GPC5: variants seen among roughly 807,000 people sequenced by gnomAD.
The protein encoded by GPC5 is glypican-5.
GPC5 carries 47 observed loss-of-function variants against 53.9 expected under a neutral mutation model. The ratio of observed to expected loss-of-function variants is 0.87; its 90% confidence interval spans 0.69 to 1.11. GPC5 has a LOEUF of 1.11. GPC5 is among the 50% of genes most tolerant of loss of function. The pLI is 0.00. For synonymous variants in GPC5, 286 were observed against 263.3 expected, an observed-to-expected ratio of 1.09 and a Z score of -0.84; for missense variants, 748 against 713.1, an observed-to-expected ratio of 1.05 and a Z score of -0.56.
At chr13:91,599,278 G>T (rs567660202) in intron 2 of GPC5, among the ~76,000 whole-genome samples, 1 of 152,012 alleles carries the variant, frequency 6.6e-6, no homozygotes, top group East Asian at 1.9e-4. Context: ...CCCTCATCTT[G>T]TTGCATCTTA....
chr13:91,474,607 A>T lies in GPC5; in HGVS notation c.325+25685A>T, dbSNP rs116142134. Among the ~76,000 whole-genome samples, 1,383 of 152,194 alleles carry T rather than the reference A, an allele frequency of 9.1e-3. 25 individuals carry two copies. Among genetic ancestry groups the T allele is most frequent in the African/African-American group, 0.032 (1,326 of 41,542 alleles). ...TTTCTAGTTTCTGACTTACAGACAA[A>T]ATTTGTATATACCTAATTAAATTGC... On this transcript the variant is annotated intron_variant, in intron 2 of 7. Transcript: ENST00000377067.
intron 7 of GPC5, among the ~76,000 whole-genome samples, chr13:92,212,979 T>C (rs896675664): frequency 6.6e-6 from 1 of 152,164 alleles, no homozygotes; most frequent in Non-Finnish European, 1.5e-5. Flanking sequence ...ACAAGGATGG[T>C]AGTGAAAGAG....
At chr13:92,426,482 T>A (rs1039571988) in intron 7 of GPC5, among the ~76,000 whole-genome samples, 3 of 152,124 alleles carry the variant, frequency 2.0e-5, no homozygotes, top group Admixed American at 6.6e-5. Context: ...TTCAGTCTCT[T>A]TATAAGTTCC....
In GPC5 at chr13:92,083,973, G is replaced by A. The variant is rs369445442; in HGVS notation, c.1402-60857G>A. 1.8e-4 allele frequency among the ~76,000 whole-genome samples: 28 copies of A among 152,278 alleles called. No individual in the cohort carries two copies. In the South Asian group the frequency reaches 5.6e-3, roughly 30 times the overall value. ...AGGAATGAGATCATGTCCTTTGCAG[G>A]GACATGGATGGAGCTGGAAGCCATT... is the stretch of plus-strand genomic sequence containing the variant. On this transcript the variant is annotated intron_variant, in intron 6 of 7. Coordinates refer to ENST00000377067, the MANE Select transcript of GPC5 (RefSeq NM_004466.6).
intron 7 of GPC5, among the ~76,000 whole-genome samples, chr13:92,703,394 A>ATAAG (rs1054202998): frequency 1.3e-5 from 2 of 151,740 alleles, no homozygotes; most frequent in Admixed American, 1.3e-4. Flanking sequence ...AAATAATTAT[A>ATAAG]TAAGTACTTT....
rs564171850 is a variant in GPC5 at position 92,130,937 on chromosome 13, G to T, written c.1402-13893G>T. Among the ~76,000 whole-genome samples the T allele has an allele frequency of 3.3e-5, 5 of 151,664 alleles. No homozygotes were observed. The East Asian group carries it at 9.7e-4, about 29-fold the overall frequency. On this transcript the variant is annotated intron_variant, in intron 6 of 7. Coordinates refer to ENST00000377067, the MANE Select transcript of GPC5 (RefSeq NM_004466.6). ...TAAAAATGGCAAAAAATAAGAAAAA[G>T]ATAGTAAAAAAACAGAAACAGAAGA...
At chr13:92,806,390 G>C (rs1877101075) in intron 7 of GPC5, among the ~76,000 whole-genome samples, 1 of 152,040 alleles carries the variant, frequency 6.6e-6, no homozygotes, top group Non-Finnish European at 1.5e-5. Flanking sequence ...CAATAAGACA[G>C]TTTCACTTTC....
At chr13:92,430,336 T>A (rs1459486413) in intron 7 of GPC5, among the ~76,000 whole-genome samples, 1 of 152,190 alleles carries the variant, frequency 6.6e-6, no homozygotes, top group Non-Finnish European at 1.5e-5. Flanking sequence ...TATTTATTTG[T>A]ATGTAACTAT....
At chr13:92,665,275 G>A (rs1566352156) in intron 7 of GPC5, among the ~76,000 whole-genome samples, 1 of 152,036 alleles carries the variant, frequency 6.6e-6, no homozygotes, top group Non-Finnish European at 1.5e-5. Flanking sequence ...TGTGGAAGGA[G>A]GAGATAAGAA....
intron 5 of GPC5, among the ~76,000 whole-genome samples, chr13:91,881,876 G>A (rs2039267409): frequency 6.6e-6 from 1 of 152,124 alleles, no homozygotes; most frequent in Admixed American, 6.6e-5. Context: ...CTTAAGACAG[G>A]GAGAGCATCT....
At chr13:92,713,439 A>AC (rs1888212860) in intron 7 of GPC5, among the ~76,000 whole-genome samples, 1 of 150,804 alleles carries the variant, frequency 6.6e-6, no homozygotes, top group Non-Finnish European at 1.5e-5. Flanking sequence ...AAAAAAAAAA[A>AC]AAAAAAAATA....
At chr13:92,018,191 G>A (rs1421436894) in intron 6 of GPC5, among the ~76,000 whole-genome samples, 1 of 152,060 alleles carries the variant, frequency 6.6e-6, no homozygotes, top group Non-Finnish European at 1.5e-5. Context: ...ACCAAAGGTA[G>A]GCATTTATTT....
chr13:91,842,994 CTG>C (rs2038806959), intron 5 of GPC5, among the ~76,000 whole-genome samples: 1 of 152,082 alleles, frequency 6.6e-6, no homozygotes, highest in Non-Finnish European at 1.5e-5. Context: ...ATTTCAATGA[CTG>C]TTTTACTTTT....
At chr13:92,704,907 A>T (rs959864014) in intron 7 of GPC5, among the ~76,000 whole-genome samples, 11 of 96,932 alleles carry the variant, frequency 1.1e-4, no homozygotes, top group African/African-American at 4.1e-4. Context: ...GAGTATATAT[A>T]TATACACTTA....
At chr13:92,518,002 A>C (rs1880864370) in intron 7 of GPC5, among the ~76,000 whole-genome samples, 1 of 152,226 alleles carries the variant, frequency 6.6e-6, no homozygotes, top group Non-Finnish European at 1.5e-5. Context: ...GGAGCTGAAA[A>C]CCATGGCACG....
chr13:92,117,850 T>C (rs1341557459), intron 6 of GPC5, among the ~76,000 whole-genome samples: 1 of 152,186 alleles, frequency 6.6e-6, no homozygotes, highest in African/African-American at 2.4e-5. Context: ...TAATAGGTTA[T>C]TTTGGATATT....
intron 6 of GPC5, among the ~76,000 whole-genome samples, chr13:92,033,712 T>G (rs1481289787): frequency 6.6e-6 from 1 of 152,218 alleles, no homozygotes; most frequent in Non-Finnish European, 1.5e-5. Flanking sequence ...TGGGATGCTT[T>G]TAACTGCCTG....
chr13:92,342,937 C>T (rs984684413), intron 7 of GPC5, among the ~76,000 whole-genome samples: 2 of 152,020 alleles, frequency 1.3e-5, no homozygotes, highest in Non-Finnish European at 2.9e-5. Flanking sequence ...CATGCACTTC[C>T]CTTTCATATA....
At position 92,080,162 on chromosome 13, in the gene GPC5, T is replaced by C. The variant is rs192561109; in HGVS notation, c.1402-64668T>C. Among the ~76,000 whole-genome samples, 564 of 152,326 alleles carry C rather than the reference T, an allele frequency of 3.7e-3. 4 individuals are homozygous for C. Among genetic ancestry groups the C allele is most frequent in the Non-Finnish European group, 3.0e-3 (204 of 68,024 alleles). The stretch of plus-strand genomic sequence containing the variant: ...AACTCTCCCCTATCTTTCTACCTGC[T>C]TCTCAGACAGATATTTATCAGGCTC... On this transcript the variant is annotated intron_variant, in intron 6 of 7. Coordinates refer to ENST00000377067, the MANE Select transcript of GPC5 (RefSeq NM_004466.6).
Sources: allele counts gnomAD v4.1 joint callset (sites outside exome capture counted in the v4.1 genomes callset), GRCh38; gene constraint gnomAD v4.1.1; transcripts MANE v1.5; gene names NCBI Gene and HGNC (gene_info 2026-07-23, HGNC 2026-07-21).